The following ACER1 variants were observed in gnomAD, a reference collection of about 807,000 sequenced individuals.
ACER1 encodes the protein alkaline ceramidase 1, also known as CTB-180A7.3.
In ACER1, 28 loss-of-function variants were observed where a neutral mutation model predicts 24.9. The observed-to-expected ratio is 1.13, with a 90% confidence interval of 0.83 to 1.54. ACER1 has a LOEUF of 1.54. Ranked by LOEUF, ACER1 falls within the 40% of genes most tolerant of loss-of-function variation. ACER1 has a pLI of 0.00. For missense variants in ACER1, 352 were observed against 349.3 expected (o/e 1.01, Z -0.06); for synonymous variants, 132 against 131.4 (o/e 1.00, Z -0.03).
upstream of ACER1, among the ~76,000 whole-genome samples, chr19:6,334,205 C>T (rs8105900): frequency 0.05 from 7,567 of 151,998 alleles, 290 homozygotes; most frequent in African/African-American, 0.11. Context: ...CCGCCACGAC[C>T]GGCTAATTTT....
chr19:6,318,655 A>G (rs796964844), intron 1 of ACER1, among the ~76,000 whole-genome samples: 641 of 19,920 alleles, frequency 0.032, 3 homozygotes, highest in Non-Finnish European at 0.052. Flanking sequence ...GTGTGGTGGC[A>G]GGCGCCTGTA....
At chr19:6,308,748 A>T (rs989513532) in intron 4 of ACER1, among the ~76,000 whole-genome samples, 1 of 152,188 alleles carries the variant, frequency 6.6e-6, no homozygotes, top group South Asian at 2.1e-4. Flanking sequence ...GAGTTAAATT[A>T]TAAAAAAAAA....
At chr19:6,327,690 A>G (rs1049652411) in intron 1 of ACER1, among the ~76,000 whole-genome samples, 1 of 152,062 alleles carries the variant, frequency 6.6e-6, no homozygotes, top group Non-Finnish European at 1.5e-5. Context: ...CCCACAAGCT[A>G]AGAATCATGT....
At chr19:6,309,555 A>T (rs2091567349) in intron 4 of ACER1, 142 bp downstream of exon 4, 6 of 1,059,550 alleles carry the variant, frequency 5.7e-6, no homozygotes, top group Admixed American at 4.4e-5. Flanking sequence ...CAAACTCTGC[A>T]GTCAGTCAGG....
chr19:6,349,317 TAAAAG>T, the ACER1 span, among the ~76,000 whole-genome samples: 3 of 101,648 alleles, frequency 3.0e-5, no homozygotes, highest in Admixed American at 2.4e-4. Context: ...CTCTACAAAA[TAAAAG>T]AAAGAAAGAG....
At chr19:6,317,516 CCAAA>C (rs1277437597) in intron 1 of ACER1, among the ~76,000 whole-genome samples, 7 of 152,284 alleles carry the variant, frequency 4.6e-5, no homozygotes, top group African/African-American at 1.4e-4. Context: ...ACACATACTC[CCAAA>C]CAAACACAAT....
At chr19:6,337,645 TTTTCTTTC>T (rs1568315504), upstream of ACER1, among the ~76,000 whole-genome samples, 12 of 96,188 alleles carry the variant, frequency 1.2e-4, no homozygotes, top group African/African-American at 6.3e-4. Context: ...TTTTCTTTTC[TTTTCTTTC>T]TTTCTTTCTT....
chr19:6,324,885 A>G (rs796153366), intron 1 of ACER1, among the ~76,000 whole-genome samples: 12 of 149,784 alleles, frequency 8.0e-5, no homozygotes, highest in East Asian at 5.9e-4. Context: ...GGAAGGAAGG[A>G]AGGAAGGAAG....
At chr19:6,310,676 C>A (rs1055962922) in intron 3 of ACER1, among the ~76,000 whole-genome samples, 1 of 151,406 alleles carries the variant, frequency 6.6e-6, no homozygotes, top group Admixed American at 6.6e-5. Flanking sequence ...CTCAGGAGTT[C>A]GAGACCAGCC....
upstream of ACER1, among the ~76,000 whole-genome samples, chr19:6,335,085 ATT>A: frequency 6.8e-6 from 1 of 146,580 alleles, no homozygotes; most frequent in Non-Finnish European, 1.5e-5. Flanking sequence ...TAAAAATACT[ATT>A]GTTATATAAT....
At chr19:6,354,684 C>A in the ACER1 span, among the ~76,000 whole-genome samples, 1 of 152,128 alleles carries the variant, frequency 6.6e-6, no homozygotes, top group South Asian at 2.1e-4. Context: ...CTTTGGGAGG[C>A]CAAGGCAGGA....
the ACER1 span, among the ~76,000 whole-genome samples, chr19:6,347,109 A>AAAAAAAAAATAT: frequency 1.4e-4 from 16 of 113,778 alleles, no homozygotes; most frequent in African/African-American, 7.6e-4. Flanking sequence ...AAAAAAAAAA[A>AAAAAAAAAATAT]ATATATATAT....
the ACER1 span, among the ~76,000 whole-genome samples, chr19:6,355,475 C>T: frequency 2.0e-5 from 3 of 149,144 alleles, no homozygotes; most frequent in Admixed American, 6.6e-5. Context: ...GCCTGGCAAC[C>T]GCCCCATATG....
intron 1 of ACER1, among the ~76,000 whole-genome samples, chr19:6,327,669 G>T (rs1223076876): frequency 6.6e-6 from 1 of 151,954 alleles, no homozygotes; most frequent in Non-Finnish European, 1.5e-5. Context: ...CCACTGCCTT[G>T]TATCATGTGT....
chr19:6,328,648 T>C (rs79327382), intron 1 of ACER1, among the ~76,000 whole-genome samples: 4,110 of 151,756 alleles, frequency 0.027, 193 homozygotes, highest in African/African-American at 0.094. Flanking sequence ...CCTGGCAGCA[T>C]AGCAAGACCC....
Position 6,312,219 on chromosome 19 carries a change from A to C in ACER1, c.280T>G (p.Trp94Gly). The C allele has an allele frequency of 6.2e-7, 1 of 1,614,070 alleles. No individual in the cohort carries two copies. The highest frequency in any genetic ancestry group is 8.5e-7 in the Non-Finnish European group (1 of 1,179,950). Residue 94 changes from tryptophan to glycine, a missense_variant, in exon 3 of 6, where the codon TGG becomes GGG. Trp to Gly is a radical substitution (Grantham distance 184). Coordinates refer to ENST00000301452, the MANE Select transcript of ACER1 (RefSeq NM_133492.3). Reference protein sequence around the residue: ...GQLLDEIAILWLLGSGYSIWM... With the variant: ...GQLLDEIAILGLLGSGYSIWM... ...ATGCTATAGCCACTGCCCAGGAGCCACAGGATGGCGATCTCGTCCAGCAGC... is the reference window on the plus strand; with the variant it reads ...ATGCTATAGCCACTGCCCAGGAGCCCCAGGATGGCGATCTCGTCCAGCAGC...
intron 1 of ACER1, among the ~76,000 whole-genome samples, chr19:6,314,418 C>T (rs8110869): frequency 0.33 from 48,817 of 149,182 alleles, 9,842 homozygotes; most frequent in African/African-American, 0.56. Flanking sequence ...GGTAGTGAGC[C>T]GAGATCACGC....
At chr19:6,337,169 C>A (rs2145026237), upstream of ACER1, among the ~76,000 whole-genome samples, 1 of 142,304 alleles carries the variant, frequency 7.0e-6, no homozygotes, top group East Asian at 1.9e-4. Flanking sequence ...GGGTGAGACT[C>A]CCTCTCAAAA....
chr19:6,334,279 C>T (rs943335509), upstream of ACER1, among the ~76,000 whole-genome samples: 6 of 152,036 alleles, frequency 3.9e-5, no homozygotes, highest in Admixed American at 2.0e-4. Context: ...CTCCTGACCT[C>T]GTGATCCACC....
Sources: gnomAD v4.1 joint callset for allele counts (sites outside exome capture counted in the v4.1 genomes callset) on GRCh38, gnomAD v4.1.1 for gene constraint, MANE v1.5 for transcripts, NCBI Gene and HGNC (gene_info 2026-07-23, HGNC 2026-07-21) for gene names.